The following PFDN2 variants were observed in gnomAD, a reference collection of about 807,000 sequenced individuals.
PFDN2 encodes the protein prefoldin subunit 2, also known as prefoldin 2.
Under a neutral mutation model 18.3 loss-of-function variants are expected in PFDN2, and 7 were observed. That is an observed-to-expected ratio of 0.38 (90% CI 0.22 to 0.72). The LOEUF (loss-of-function observed/expected upper bound fraction) is 0.72. PFDN2 is among the 30% of genes least tolerant of loss of function. The pLI is 0.47. For missense variants in PFDN2, 181 were observed against 199.1 expected (o/e 0.91, Z 0.55); for synonymous variants, 76 against 75.0 (o/e 1.01, Z -0.07).
At position 161,102,135 on chromosome 1, in the gene PFDN2, A is replaced by G. The variant is rs1312645082; in HGVS notation, c.201T>C (p.Thr67=). Residue 67 remains threonine (T), a synonymous_variant, in exon 3 of 4, where the codon ACT becomes ACC. Transcript: ENST00000368010. The stretch of plus-strand genomic sequence containing the variant: ...CTCCAACCATGCGGTAGCACTTACG[A>G]GTTTCATCTACCTCCTTCAGTGTAT... ...VIDTLKEVDE[T]RKCYRMVGGV... is the part of the protein sequence containing the mutation. 2.5e-6 allele frequency: 4 copies of G among 1,614,076 alleles called. No individual in the cohort carries two copies. In the East Asian group the frequency reaches 8.9e-5, roughly 36 times the overall value.
intron 3 of PFDN2, 119 bp from the exon 4 acceptor site, chr1:161,100,978 A>T (rs1654544058): frequency 1.5e-6 from 1 of 662,810 alleles, no homozygotes; most frequent in Admixed American, 2.5e-5. Flanking sequence ...CAAGTAGAGG[A>T]GCCCAGACAT....
intron 1 of PFDN2, among the ~76,000 whole-genome samples, chr1:161,104,431 TTTTC>T (rs1479566310): frequency 6.7e-6 from 1 of 150,188 alleles, no homozygotes; most frequent in Non-Finnish European, 1.5e-5. Context: ...CTATCTCTTT[TTTTC>T]TTTTTCTTTT....
chr1:161,100,793 G>A lies in PFDN2; in HGVS notation c.355C>T (p.Arg119Trp), dbSNP rs1654539052. 4 of 1,613,660 alleles carry A rather than the reference G, an allele frequency of 2.5e-6. No homozygotes were observed. The highest frequency in any genetic ancestry group is 2.2e-5 in the East Asian group (1 of 44,900). The change falls in exon 4 of 4, where the codon CGG becomes TGG. Residue 119 changes from arginine to tryptophan, a missense_variant. Arg to Trp is a moderately radical substitution (Grantham distance 101). Coordinates refer to ENST00000368010, the MANE Select transcript of PFDN2 (RefSeq NM_012394.4). The part of the protein sequence containing the change: ...QAKGKELNEF[R>W]EKHNIRLMGE... ...ATGAGACGAATGTTGTGCTTTTCCC[G>A]GAATTCATTTAGTTCTTTTCCCTTT...
At chr1:161,105,734 C>T (rs111255902) in intron 1 of PFDN2, among the ~76,000 whole-genome samples, 3 of 152,200 alleles carry the variant, frequency 2.0e-5, no homozygotes, top group Non-Finnish European at 4.4e-5. Flanking sequence ...GCTGGGATTA[C>T]AGGCGTGAGC....
At chr1:161,117,086 AGCCAGGTGTGGCG>A (rs1158874710) in intron 1 of PFDN2, among the ~76,000 whole-genome samples, 17 of 151,828 alleles carry the variant, frequency 1.1e-4, no homozygotes, top group African/African-American at 3.6e-4. Context: ...TACAAAAATT[AGCCAGGTGTGGCG>A]GCGCGCGCCT....
intron 1 of PFDN2, among the ~76,000 whole-genome samples, chr1:161,116,774 A>G (rs1474867147): frequency 6.6e-6 from 1 of 152,062 alleles, no homozygotes; most frequent in African/African-American, 2.4e-5. Context: ...CTAAGGCAGA[A>G]ATGCTTGAAC....
In PFDN2 at chr1:161,118,009, A is replaced by T; in HGVS notation, c.18T>A (p.Gly6=). ...CGCTCCCGCTGCTCTTGCCGGCGCG[A>T]CCGCTGTTCTCCGCCATCTTCGCCG... MAENS[G]RAGKSSGSGA... The change falls in exon 1 of 4, where the codon GGT becomes GGA. Residue 6 remains glycine (G), a synonymous_variant. Transcript: ENST00000368010. 1.2e-6 allele frequency: 2 copies of T among 1,612,072 alleles called. No individual in the cohort carries two copies. The highest frequency in any genetic ancestry group is 1.7e-6 in the Non-Finnish European group (2 of 1,179,406).
chr1:161,102,334 G>A lies in PFDN2; in HGVS notation c.117C>T (p.Gly39=). 1 of 1,614,152 alleles carries A rather than the reference G, an allele frequency of 6.2e-7. No individual in the cohort carries two copies. Among genetic ancestry groups the A allele is most frequent in the African/African-American group, 1.3e-5 (1 of 75,046 alleles). The change falls in exon 2 of 4, where the codon GGC becomes GGT. Residue 39 remains glycine (G), a synonymous_variant. Transcript: ENST00000368010. ...CCAACTCAGCTGCTTTGGATGCCAG[G>A]CCTCGCTGTTCCTGCCGAAGGCGGT... The part of the protein sequence containing the change: ...GFNRLRQEQR[G]LASKAAELEM...
chr1:161,111,416 A>C (rs949879434), intron 1 of PFDN2, among the ~76,000 whole-genome samples: 1 of 152,344 alleles, frequency 6.6e-6, no homozygotes, highest in South Asian at 2.1e-4. Flanking sequence ...CACTACTGAC[A>C]TGTTAGGCCA....
chr1:161,109,573 T>C (rs1237032612), intron 1 of PFDN2, among the ~76,000 whole-genome samples: 1 of 152,182 alleles, frequency 6.6e-6, no homozygotes, highest in Non-Finnish European at 1.5e-5. Flanking sequence ...GAACACCTAC[T>C]ATATGCCAGG....
intron 1 of PFDN2, among the ~76,000 whole-genome samples, chr1:161,113,653 C>T (rs889510051): frequency 2.0e-5 from 3 of 152,096 alleles, no homozygotes; most frequent in African/African-American, 4.8e-5. Flanking sequence ...GGGTGGCACA[C>T]GCATGTAGTC....
At chr1:161,115,881 C>G (rs1326025990) in intron 1 of PFDN2, among the ~76,000 whole-genome samples, 2 of 152,144 alleles carry the variant, frequency 1.3e-5, no homozygotes, top group African/African-American at 4.8e-5. Context: ...GCTACAGTAT[C>G]TGTATCGCTG....
chr1:161,102,620 C>T (rs892685760), intron 1 of PFDN2, among the ~76,000 whole-genome samples: 2 of 152,104 alleles, frequency 1.3e-5, no homozygotes, highest in Non-Finnish European at 2.9e-5. Context: ...TAGATTTGGC[C>T]TCTGGCTTCT....
chr1:161,114,866 C>T (rs1654876289), intron 1 of PFDN2, among the ~76,000 whole-genome samples: 1 of 152,184 alleles, frequency 6.6e-6, no homozygotes, highest in East Asian at 1.9e-4. Context: ...AGTTAGGGGT[C>T]TCTCCTCTGC....
intron 1 of PFDN2, among the ~76,000 whole-genome samples, chr1:161,105,487 T>G (rs925215845): frequency 1.3e-5 from 2 of 152,046 alleles, no homozygotes; most frequent in East Asian, 3.9e-4. Flanking sequence ...GAGAGGAGTC[T>G]TGCTCTGTCG....
intron 1 of PFDN2, among the ~76,000 whole-genome samples, chr1:161,103,721 T>G (rs1654625108): frequency 7.3e-6 from 1 of 137,764 alleles, no homozygotes. Flanking sequence ...AAAAGAAAGT[T>G]GGTCAAAGTT....
chr1:161,110,871 G>A (rs1292679076), intron 1 of PFDN2, among the ~76,000 whole-genome samples: 7 of 124,534 alleles, frequency 5.6e-5, no homozygotes, highest in African/African-American at 1.6e-4. Context: ...ATGGAGTCTC[G>A]CTCTGTCGCC....
intron 1 of PFDN2, among the ~76,000 whole-genome samples, chr1:161,117,689 A>C (rs1189978817): frequency 6.6e-6 from 1 of 152,106 alleles, no homozygotes; most frequent in Non-Finnish European, 1.5e-5. Flanking sequence ...CTCCCCTCAG[A>C]CCTGTGCATC....
Position 161,100,879 on chromosome 1 carries a change from G to T in PFDN2, c.289-20C>A. 1.9e-6 allele frequency: 3 copies of T among 1,592,584 alleles called. No individual in the cohort carries two copies. In the South Asian group the frequency reaches 3.3e-5, roughly 18 times the overall value. On this transcript the variant is annotated intron_variant, in intron 3 of 3. Transcript: ENST00000368010. ...CTGTATCTAGAGGACAAGTGACAGG[G>T]ATTATATAAGGAATTCAGGACTCCT...
Sources: gnomAD v4.1 joint callset for allele counts (sites outside exome capture counted in the v4.1 genomes callset) on GRCh38, gnomAD v4.1.1 for gene constraint, MANE v1.5 for transcripts, NCBI Gene and HGNC (gene_info 2026-07-23, HGNC 2026-07-21) for gene names.